Variants in MCM7 observed in about 807,000 individuals in gnomAD.
The protein encoded by MCM7 is minichromosome maintenance complex component 7.
MCM7 carries 95 observed loss-of-function variants against 83.5 expected under a neutral mutation model. That is an observed-to-expected ratio of 1.14 (90% CI 0.96 to 1.35). The LOEUF (loss-of-function observed/expected upper bound fraction) is 1.35, where lower values mean the gene tolerates loss of function less well. Among genes scored for constraint, MCM7 ranks in the 40% most tolerant of loss-of-function variants. The pLI, the probability that MCM7 is intolerant of heterozygous loss-of-function variation, is 0.00. For synonymous variants in MCM7, 461 were observed against 352.7 expected, an observed-to-expected ratio of 1.31 and a Z score of -3.44; for missense variants, 1,087 against 957.4, an observed-to-expected ratio of 1.14 and a Z score of -1.79.
chr7:100,096,835 G>C (rs186659386), intron 10 of MCM7, among the ~76,000 whole-genome samples: 13 of 152,056 alleles, frequency 8.5e-5, no homozygotes, highest in African/African-American at 3.1e-4. Flanking sequence ...GGGTGCGGTG[G>C]CTCACGCCTG....
At position 100,093,025 on chromosome 7, in the gene MCM7, G is replaced by A; in HGVS notation, c.2067C>T (p.Phe689=). The change falls in exon 15 of 15, where the codon TTC becomes TTT. Residue 689 remains phenylalanine, a synonymous_variant. Transcript: ENST00000303887. ...EAEQRCVSRG[F]TPAQFQAALD... ...GAGCCGCCTGGAACTGGGCGGGTGTGAAGCCACGAGATACACAGCGCTGCT... is the reference window on the plus strand; with the variant it reads ...GAGCCGCCTGGAACTGGGCGGGTGTAAAGCCACGAGATACACAGCGCTGCT... 1.2e-6 allele frequency: 2 copies of A among 1,614,236 alleles called. No homozygotes were observed. The highest frequency in any genetic ancestry group is 1.7e-6 in the Non-Finnish European group (2 of 1,180,044).
Position 100,099,156 on chromosome 7 carries a change from CG to C in MCM7, c.448del (p.Arg150GlyfsTer12). The C allele has an allele frequency of 6.2e-7, 1 of 1,614,104 alleles. No individual in the cohort carries two copies. On this transcript the variant is annotated frameshift_variant, in exon 5 of 15. Coordinates refer to ENST00000303887, the MANE Select transcript of MCM7 (RefSeq NM_005916.5). LOFTEE classifies it high-confidence loss of function. ...CCCCACAGAGTCAGCCCGCACTTCC[CG>C]GATCACACGAGGCTTGTTGCTGCTA... ...GPSSNKPRVI[R>X]EVRADSVGKL...
In MCM7 at chr7:100,094,207, G is replaced by A. The variant is rs984457335; in HGVS notation, c.1814C>T (p.Thr605Ile). The change falls in exon 13 of 15, where the codon ACC (threonine) becomes ATC (isoleucine). Residue 605 changes from threonine to isoleucine, a missense_variant. By Grantham distance (89) the Thr-to-Ile change is moderately conservative (BLOSUM62 -1). Transcript: ENST00000303887. ...SKDATYTSAR[T>I]LLAILRLSTA... Reference sequence around the variant, plus strand: ...GGAAAGGCGCAGGATAGCCAGCAGGGTCCGGGCAGAAGTATAGGTGGCATC... The same window carrying A: ...GGAAAGGCGCAGGATAGCCAGCAGGATCCGGGCAGAAGTATAGGTGGCATC... 6 of 1,614,220 alleles carry A rather than the reference G, an allele frequency of 3.7e-6. No homozygotes were observed. The highest frequency in any genetic ancestry group is 1.1e-5 in the South Asian group (1 of 91,090).
At chr7:100,093,159 G>A (rs756873577) in intron 14 of MCM7, 26 bp from the exon 15 acceptor site, 31 of 1,611,134 alleles carry the variant, frequency 1.9e-5, no homozygotes, top group Non-Finnish European at 2.4e-5. Context: ...GGGTGTGTAA[G>A]GTCAGGATAC....
chr7:100,098,115 A>AT, intron 7 of MCM7, 26 bp downstream of exon 7: 1 of 1,612,522 alleles, frequency 6.2e-7, no homozygotes. Flanking sequence ...GGGATGATCC[A>AT]TTCCTCATGT....
In MCM7 at chr7:100,100,088, C is replaced by G; in HGVS notation, c.37G>C (p.Val13Leu). 1 of 1,613,976 alleles carries G rather than the reference C, an allele frequency of 6.2e-7. No individual in the cohort carries two copies. The highest frequency in any genetic ancestry group is 8.5e-7 in the Non-Finnish European group (1 of 1,179,948). ...LKDYALEKEKVKKFLQEFYQD... is the reference protein window; with the variant it reads ...LKDYALEKEKLKKFLQEFYQD... ...TAGAACTCTTGTAAGAACTTCTTAA[C>G]CTTTTCTGTAACATGAAATGTAAAA... Residue 13 changes from valine (V) to leucine (L), a missense_variant, in exon 2 of 15, where the codon GTT becomes CTT. Val to Leu is a conservative substitution (Grantham distance 32, BLOSUM62 1). Coordinates refer to ENST00000303887, the MANE Select transcript of MCM7 (RefSeq NM_005916.5).
rs116251477 is a variant in MCM7, at chr7:100,100,096, G to A, written c.32-3C>T. 4.0e-4 allele frequency: 648 copies of A among 1,613,488 alleles called. 3 individuals are homozygous for A. The African/African-American group carries it at 8.0e-3, about 20-fold the overall frequency. On this transcript the variant is annotated splice_region_variant and splice_polypyrimidine_tract_variant and intron_variant, in intron 1 of 14. Coordinates refer to ENST00000303887, the MANE Select transcript of MCM7 (RefSeq NM_005916.5). ...TTGTAAGAACTTCTTAACCTTTTCT[G>A]TAACATGAAATGTAAAACCGTAAGA...
At position 100,094,152 on chromosome 7, in the gene MCM7, TC is replaced by T; in HGVS notation, c.1848+20del. 1 of 1,614,000 alleles carries T rather than the reference TC, an allele frequency of 6.2e-7. No homozygotes were observed. ...CTTTAAGGGTCAAAACAGATGGCCCTCCAGCAATTTGGGCACTTACCAGAGC... is the reference window on the plus strand; with the variant it reads ...CTTTAAGGGTCAAAACAGATGGCCCTCAGCAATTTGGGCACTTACCAGAGC... On this transcript the variant is annotated intron_variant, in intron 13 of 14. Coordinates refer to ENST00000303887, the MANE Select transcript of MCM7 (RefSeq NM_005916.5).
chr7:100,094,360 G>T lies in MCM7; in HGVS notation c.1680-19C>A, dbSNP rs1344266565. The T allele has an allele frequency of 1.9e-6, 3 of 1,613,348 alleles. No homozygotes were observed. The highest frequency in any genetic ancestry group is 1.3e-5 in the African/African-American group (1 of 74,918). On this transcript the variant is annotated intron_variant, in intron 12 of 14. Coordinates refer to ENST00000303887, the MANE Select transcript of MCM7 (RefSeq NM_005916.5). Reference sequence around the variant, plus strand: ...GTAACGCCTGTGGGGGAAGGTTCATGGGGAAGCAGAAGAGGGAGATGGGGA... The same window carrying T: ...GTAACGCCTGTGGGGGAAGGTTCATTGGGAAGCAGAAGAGGGAGATGGGGA...
intron 1 of MCM7, chr7:100,100,590 A>G (rs1795933573): frequency 1.0e-6 from 1 of 990,236 alleles, no homozygotes; most frequent in South Asian, 4.4e-5. Context: ...TCCTCCGCCC[A>G]GGGCGGGAGC....
chr7:100,092,851 C>T lies in MCM7; in HGVS notation c.*81G>A, dbSNP rs1007273192. Reference sequence around the variant, plus strand: ...TGGGAGAAAGAGGGGCTCCTCCTTCCCCTCAAAGGCATCACTGCCCCTTCC... The same window carrying T: ...TGGGAGAAAGAGGGGCTCCTCCTTCTCCTCAAAGGCATCACTGCCCCTTCC... On this transcript the variant is annotated 3_prime_UTR_variant, in exon 15 of 15. Coordinates refer to ENST00000303887, the MANE Select transcript of MCM7 (RefSeq NM_005916.5). The T allele has an allele frequency of 5.5e-5, 79 of 1,436,986 alleles. No individual in the cohort carries two copies. The highest frequency in any genetic ancestry group is 1.8e-4 in the Middle Eastern group (1 of 5,686). The allele number at this position is 1,436,986 out of a possible 1,614,324, so 89.0% of individuals were successfully genotyped here.
At position 100,097,814 on chromosome 7, in the gene MCM7, C is replaced by A. The variant is rs1012278028; in HGVS notation, c.985+20G>T. Reference sequence around the variant, plus strand: ...AGCTAGGATGTAAACGGAATTTCCTCTCTCTCCCCTGCCCCTCACCTGCAA... The same window carrying A: ...AGCTAGGATGTAAACGGAATTTCCTATCTCTCCCCTGCCCCTCACCTGCAA... On this transcript the variant is annotated intron_variant, in intron 8 of 14. Transcript: ENST00000303887. 6.2e-7 allele frequency: 1 copy of A among 1,614,076 alleles called. No individual in the cohort carries two copies. The highest frequency in any genetic ancestry group is 8.5e-7 in the Non-Finnish European group (1 of 1,179,950).
intron 13 of MCM7, 39 bp downstream of exon 13, chr7:100,094,134 G>C (rs1401324701): frequency 6.2e-7 from 1 of 1,613,544 alleles, no homozygotes; most frequent in Admixed American, 1.7e-5. Flanking sequence ...CCCCTTTAAG[G>C]GTCAAAACAG....
rs548354401 is a variant in MCM7 at position 100,099,850 on chromosome 7, C to T, written c.112-97G>A. ...TGCATCACTGAGAACTCAGCACAGG[C>T]TCTGGGCATCCACAGGGGAGAACGC... On this transcript the variant is annotated intron_variant, in intron 2 of 14. Transcript: ENST00000303887. 5.4e-5 allele frequency: 83 copies of T among 1,527,752 alleles called. No individual in the cohort carries two copies. The South Asian group carries it at 9.1e-4, about 17-fold the overall frequency. The allele number at this position is 1,527,752 out of a possible 1,614,324, so 94.6% of individuals were successfully genotyped here.
chr7:100,094,321 C>A lies in MCM7; in HGVS notation c.1700G>T (p.Arg567Leu), dbSNP rs565560209. 1 of 1,614,084 alleles carries A rather than the reference C, an allele frequency of 6.2e-7. No homozygotes were observed. The highest frequency in any genetic ancestry group is 2.2e-5 in the East Asian group (1 of 44,886). Residue 567 changes from arginine to leucine, a missense_variant, in exon 13 of 15, where the codon CGC becomes CTC. Transcript: ENST00000303887. ...KLMRRYIAMC[R>L]EKQPMVPESL... is the part of the protein sequence containing the mutation. Reference sequence around the variant, plus strand: ...CTCTGGCACCATGGGCTGCTTCTCGCGGCACATGGCTATGTAACGCCTGTG... The same window carrying A: ...CTCTGGCACCATGGGCTGCTTCTCGAGGCACATGGCTATGTAACGCCTGTG...
chr7:100,101,190 C>T (rs1220835536), intron 1 of MCM7, 74 bp downstream of exon 1: 3 of 1,587,076 alleles, frequency 1.9e-6, no homozygotes, highest in Non-Finnish European at 1.7e-6. Context: ...CCCCCAAGAC[C>T]CCAGCTCACA....
intron 14 of MCM7, 63 bp downstream of exon 14, chr7:100,093,229 A>G (rs1795410802): frequency 1.3e-6 from 2 of 1,589,294 alleles, no homozygotes; most frequent in Admixed American, 3.3e-5. Context: ...ATTGAGGCCA[A>G]CCTCAGACAC....
chr7:100,097,243 T>C (rs994872261), intron 10 of MCM7, 58 bp downstream of exon 10: 12 of 1,491,548 alleles, frequency 8.0e-6, no homozygotes, highest in Admixed American at 1.7e-5. Context: ...ACTTTTTGAA[T>C]AAACACTGTG....
rs993477753 is a variant in MCM7, at chr7:100,094,150, C to G, written c.1848+23G>C. ...CCCTTTAAGGGTCAAAACAGATGGC[C>G]CTCCAGCAATTTGGGCACTTACCAG... On this transcript the variant is annotated intron_variant, in intron 13 of 14. Transcript: ENST00000303887. 5.0e-6 allele frequency: 8 copies of G among 1,613,914 alleles called. No individual in the cohort carries two copies. The African/African-American group carries it at 8.0e-5, about 16-fold the overall frequency.
Sources: allele counts gnomAD v4.1 joint callset (sites outside exome capture counted in the v4.1 genomes callset), GRCh38; gene constraint gnomAD v4.1.1; transcripts MANE v1.5; gene names NCBI Gene and HGNC (gene_info 2026-07-23, HGNC 2026-07-21).